COG5: variants seen among roughly 807,000 people sequenced by gnomAD.
COG5 encodes the protein component of oligomeric golgi complex 5, also known as conserved oligomeric Golgi complex subunit 5.
In COG5, 86 loss-of-function variants were observed where a neutral mutation model predicts 110.4. The ratio of observed to expected loss-of-function variants is 0.78; its 90% CI spans 0.65 to 0.93. COG5 has a LOEUF of 0.93. Ranked by LOEUF, COG5 falls within the 40% of genes least tolerant of loss-of-function variation. The probability of loss-of-function intolerance (pLI) is 0.00; values close to 1 mark genes in which losing one functional copy is unlikely to be tolerated. For missense variants in COG5, 1,077 were observed against 987.0 expected, an observed-to-expected ratio of 1.09 and a Z score of -1.22; for synonymous variants, 360 against 334.6, an observed-to-expected ratio of 1.08 and a Z score of -0.83.
chr7:107,311,139 T>G (rs1451276199), intron 11 of COG5, among the ~76,000 whole-genome samples: 1 of 152,110 alleles, frequency 6.6e-6, no homozygotes, highest in South Asian at 2.1e-4. Flanking sequence ...AAAAGTAGAA[T>G]TTCGGGGTAA....
intron 6 of COG5, among the ~76,000 whole-genome samples, chr7:107,478,237 T>C (rs1584875687): frequency 6.6e-6 from 1 of 152,012 alleles, no homozygotes; most frequent in African/African-American, 2.4e-5. Context: ...GCTGTTACTC[T>C]ACCAACTACT....
intron 6 of COG5, among the ~76,000 whole-genome samples, chr7:107,441,342 T>C (rs191131232): frequency 2.2e-4 from 33 of 147,422 alleles, no homozygotes; most frequent in African/African-American, 6.3e-4. Context: ...AGATGAGAAA[T>C]ACTACTGATA....
chr7:107,229,874 CAG>C (rs1800651656), intron 19 of COG5, among the ~76,000 whole-genome samples: 1 of 129,712 alleles, frequency 7.7e-6, no homozygotes, highest in African/African-American at 2.9e-5. Context: ...TTTTTTGAGA[CAG>C]AGTCTCACTC....
chr7:107,502,492 G>A (rs754864963), intron 6 of COG5, among the ~76,000 whole-genome samples: 1 of 152,112 alleles, frequency 6.6e-6, no homozygotes, highest in African/African-American at 2.4e-5. Flanking sequence ...ATGTGTGCAC[G>A]TGTCTTTTTC....
chr7:107,507,469 ATTTT>A (rs10577186), intron 6 of COG5, among the ~76,000 whole-genome samples: 4 of 114,070 alleles, frequency 3.5e-5, no homozygotes, highest in Admixed American at 8.7e-5. Flanking sequence ...AATTTTTTGT[ATTTT>A]TTTTTTTTTT....
chr7:107,434,057 A>G (rs1794201562), intron 6 of COG5, among the ~76,000 whole-genome samples: 1 of 152,218 alleles, frequency 6.6e-6, no homozygotes, highest in African/African-American at 2.4e-5. Flanking sequence ...ACATGAAAAG[A>G]TGTTCAACAT....
intron 3 of COG5, 119 bp from the exon 4 acceptor site, chr7:107,548,451 A>G (rs1026045092): frequency 2.2e-6 from 2 of 911,980 alleles, no homozygotes; most frequent in African/African-American, 3.3e-5. Flanking sequence ...TCACCATCCT[A>G]ATCCAAGCAA....
At chr7:107,360,171 G>A (rs1299312583) in intron 10 of COG5, among the ~76,000 whole-genome samples, 1 of 152,198 alleles carries the variant, frequency 6.6e-6, no homozygotes, top group Non-Finnish European at 1.5e-5. Context: ...TACACTGAGG[G>A]CTGCACAGAC....
chr7:107,547,912 C>G, intron 5 of COG5, 199 bp downstream of exon 5: 1 of 598,566 alleles, frequency 1.7e-6, no homozygotes, highest in East Asian at 2.8e-5. Context: ...TTATACACTG[C>G]AATGACAGTG....
intron 6 of COG5, among the ~76,000 whole-genome samples, chr7:107,418,180 C>T (rs889923526): frequency 6.7e-6 from 1 of 149,538 alleles, no homozygotes; most frequent in African/African-American, 2.5e-5. Context: ...TTTTTTGATC[C>T]GTTCAACAAA....
chr7:107,389,744 G>A (rs1014978073), intron 7 of COG5, among the ~76,000 whole-genome samples: 14 of 152,076 alleles, frequency 9.2e-5, no homozygotes, highest in Non-Finnish European at 2.1e-4. Flanking sequence ...ATTCCCCTAT[G>A]ATTTGGGCCG....
At chr7:107,285,823 C>G (rs1306051432) in intron 12 of COG5, among the ~76,000 whole-genome samples, 1 of 150,866 alleles carries the variant, frequency 6.6e-6, no homozygotes, top group African/African-American at 2.4e-5. Context: ...CAAGATCATG[C>G]CACTGCACTC....
At chr7:107,470,721 C>A (rs2129107981) in intron 6 of COG5, among the ~76,000 whole-genome samples, 1 of 152,122 alleles carries the variant, frequency 6.6e-6, no homozygotes, top group East Asian at 1.9e-4. Context: ...GTAATCAGTA[C>A]AGTTTTTCTC....
chr7:107,368,958 A>T (rs774302478), intron 8 of COG5, among the ~76,000 whole-genome samples: 1 of 152,140 alleles, frequency 6.6e-6, no homozygotes, highest in Non-Finnish European at 1.5e-5. Context: ...ATGTAATGGT[A>T]TCGGGTTTTG....
intron 11 of COG5, among the ~76,000 whole-genome samples, chr7:107,320,456 G>A (rs971211905): frequency 6.6e-6 from 1 of 152,180 alleles, no homozygotes; most frequent in African/African-American, 2.4e-5. Context: ...CCCTCTTAGT[G>A]TGAATGGTAG....
intron 8 of COG5, among the ~76,000 whole-genome samples, chr7:107,363,678 C>T (rs567253355): frequency 3.3e-5 from 5 of 151,900 alleles, no homozygotes; most frequent in African/African-American, 7.3e-5. Flanking sequence ...TGTTATTGGC[C>T]GGGCATGGTG....
intron 19 of COG5, among the ~76,000 whole-genome samples, chr7:107,216,652 A>G (rs142209083): frequency 6.1e-4 from 93 of 152,340 alleles, no homozygotes; most frequent in African/African-American, 1.9e-3. Context: ...TCAACAACCA[A>G]TGGGTCAAAG....
intron 19 of COG5, among the ~76,000 whole-genome samples, chr7:107,217,926 T>A (rs1799640196): frequency 6.6e-6 from 1 of 151,972 alleles, no homozygotes; most frequent in Admixed American, 6.5e-5. Flanking sequence ...ACATGAAATA[T>A]TACCTGCTTG....
intron 6 of COG5, among the ~76,000 whole-genome samples, chr7:107,466,283 G>T (rs550284862): frequency 6.6e-6 from 1 of 152,166 alleles, no homozygotes; most frequent in South Asian, 2.1e-4. Flanking sequence ...GCAACAGAGG[G>T]AGGATAAATT....
Sources: gnomAD v4.1 joint callset for allele counts (sites outside exome capture counted in the v4.1 genomes callset) on GRCh38, gnomAD v4.1.1 for gene constraint, MANE v1.5 for transcripts, NCBI Gene and HGNC (gene_info 2026-07-23, HGNC 2026-07-21) for gene names.